Variants in PYGL observed in about 807,000 individuals in gnomAD.
PYGL encodes glycogen phosphorylase, liver form.
A neutral mutation model predicts 100.1 loss-of-function variants in PYGL; 90 were observed. The observed-to-expected ratio is 0.90, with a 90% CI of 0.76 to 1.07. The LOEUF (loss-of-function observed/expected upper bound fraction) is 1.07. PYGL is among the 50% of genes least tolerant of loss of function. The pLI, the probability that PYGL is intolerant of heterozygous loss-of-function variation, is 0.00. For synonymous variants in PYGL, 373 were observed against 393.0 expected (o/e 0.95, Z 0.60); for missense variants, 1,016 against 1,057.6 (o/e 0.96, Z 0.55).
At position 50,908,325 on chromosome 14, in the gene PYGL, A is replaced by G; in HGVS notation, c.2325T>C (p.Phe775=). 2 of 1,599,098 alleles carry G rather than the reference A, an allele frequency of 1.3e-6. No homozygotes were observed. The highest frequency in any genetic ancestry group is 1.7e-4 in the Middle Eastern group (1 of 6,038). Residue 775 remains phenylalanine, a synonymous_variant, in exon 19 of 20, where the codon TTT becomes TTC. Transcript: ENST00000216392. ...MLFYHDRFKV[F]ADYEAYVKCQ... ...ACTTGACATAGGCTTCGTAGTCTGC[A>G]AAGACTTTAAACCTTTTATTTTGTG...
intron 7 of PYGL, among the ~76,000 whole-genome samples, chr14:50,918,868 T>C (rs2050475957): frequency 6.6e-6 from 1 of 152,174 alleles, no homozygotes; most frequent in Non-Finnish European, 1.5e-5. Flanking sequence ...TTAAAACTAA[T>C]GAATATGAGC....
chr14:50,925,178 T>C (rs2050536155), intron 4 of PYGL, among the ~76,000 whole-genome samples: 1 of 152,222 alleles, frequency 6.6e-6, no homozygotes, highest in Non-Finnish European at 1.5e-5. Context: ...TGCTGAATAC[T>C]ATAGGTAATG....
intron 1 of PYGL, among the ~76,000 whole-genome samples, chr14:50,938,888 G>C (rs551574502): frequency 6.6e-6 from 1 of 152,246 alleles, no homozygotes; most frequent in East Asian, 1.9e-4. Flanking sequence ...GGGCACCTTG[G>C]TGGGTGCCGG....
chr14:50,918,684 C>T (rs929839817), intron 7 of PYGL, among the ~76,000 whole-genome samples: 1 of 152,116 alleles, frequency 6.6e-6, no homozygotes, highest in African/African-American at 2.4e-5. Context: ...GGATAAAAGA[C>T]AATTTATTGG....
chr14:50,921,316 A>G lies in PYGL; in HGVS notation c.661-249T>C, dbSNP rs544320196. 1.8e-4 allele frequency: 90 copies of G among 505,944 alleles called. 2 individuals are homozygous for G. The South Asian group carries it at 1.8e-3, about 10-fold the overall frequency. 31.3% of individuals were successfully genotyped at this position (505,944 alleles called of 1,614,324 possible). On this transcript the variant is annotated intron_variant, in intron 5 of 19. Coordinates refer to ENST00000216392, the MANE Select transcript of PYGL (RefSeq NM_002863.5). ...ACTGATGGTCCTTTACAGTATTTCT[A>G]TGTTGACTCTCCATGTGCCCTTGCC...
intron 4 of PYGL, among the ~76,000 whole-genome samples, chr14:50,931,169 T>C (rs891223623): frequency 1.3e-5 from 2 of 152,210 alleles, no homozygotes; most frequent in Admixed American, 1.3e-4. Flanking sequence ...GAGTGTAGAA[T>C]AGAATACTGA....
At chr14:50,943,180 T>C (rs894453500) in intron 1 of PYGL, among the ~76,000 whole-genome samples, 1 of 152,172 alleles carries the variant, frequency 6.6e-6, no homozygotes, top group African/African-American at 2.4e-5. Flanking sequence ...CCCAATCTTT[T>C]ATTCTTTCCA....
intron 4 of PYGL, among the ~76,000 whole-genome samples, chr14:50,928,070 G>A (rs752566946): frequency 5.3e-5 from 8 of 152,160 alleles, no homozygotes; most frequent in Non-Finnish European, 8.8e-5. Flanking sequence ...GAAAGCAAGC[G>A]TGGATCTGTG....
chr14:50,923,838 A>G (rs1240591265), intron 5 of PYGL, 131 bp downstream of exon 5: 25 of 1,194,602 alleles, frequency 2.1e-5, no homozygotes, highest in Non-Finnish European at 2.8e-5. Context: ...TTTATTTACA[A>G]AAATATATTC....
intron 8 of PYGL, 32 bp downstream of exon 8, chr14:50,916,930 A>G (rs1201512830): frequency 6.2e-6 from 10 of 1,610,188 alleles, no homozygotes; most frequent in Non-Finnish European, 8.5e-6. Context: ...CCCTCAGTGG[A>G]CCCTAACTGC....
At chr14:50,939,611 C>T (rs1407128247) in intron 1 of PYGL, among the ~76,000 whole-genome samples, 1 of 151,822 alleles carries the variant, frequency 6.6e-6, no homozygotes, top group Non-Finnish European at 1.5e-5. Context: ...TGAGTAACTT[C>T]ATTGCCCCCT....
chr14:50,923,849 T>TATTA (rs2139182438), intron 5 of PYGL, 120 bp downstream of exon 5: 2 of 1,243,374 alleles, frequency 1.6e-6, no homozygotes, highest in East Asian at 5.1e-5. Flanking sequence ...AAATATATTC[T>TATTA]ATTATTCAAA....
In PYGL at chr14:50,912,247, G is replaced by GTTGA; in HGVS notation, c.1673_1676dup (p.Pro560GlnfsTer7). 1 of 1,613,972 alleles carries GTTGA rather than the reference G, an allele frequency of 6.2e-7. No individual in the cohort carries two copies. The highest frequency in any genetic ancestry group is 8.5e-7 in the Non-Finnish European group (1 of 1,179,820). On this transcript the variant is annotated frameshift_variant, in exon 14 of 20. Transcript: ENST00000216392. LOFTEE classifies it high-confidence loss of function. ...CCTGGACATCAAACATGGAGGATGG[G>GTTGA]TTGATCTTCACTTTGTACTCCGTCT... is the stretch of plus-strand genomic sequence containing the variant.
At position 50,915,338 on chromosome 14, in the gene PYGL, T is replaced by G; in HGVS notation, c.1401A>C (p.Lys467Asn). 6.2e-7 allele frequency: 1 copy of G among 1,614,188 alleles called. No homozygotes were observed. Among genetic ancestry groups the G allele is most frequent in the Non-Finnish European group, 8.5e-7 (1 of 1,179,996 alleles). ...AKIHSDIVKTKVFKDFSELEP... is the reference protein window; with the variant it reads ...AKIHSDIVKTNVFKDFSELEP... ...CTGCCAGAGTAATGGAGGCTCACAC[T>G]TTAGTCTTCACGATGTCTGAGTGGA... Residue 467 changes from lysine (K) to asparagine (N), a missense_variant and splice_region_variant, in exon 11 of 20, where the codon AAA (lysine) becomes AAC (asparagine). Transcript: ENST00000216392.
At position 50,916,978 on chromosome 14, in the gene PYGL, T is replaced by A. The variant is rs764163170; in HGVS notation, c.983A>T (p.Asp328Val). 5.0e-6 allele frequency: 8 copies of A among 1,614,182 alleles called. No individual in the cohort carries two copies. The South Asian group carries it at 5.5e-5, about 11-fold the overall frequency. The change falls in exon 8 of 20, where the codon GAT becomes GTT. Residue 328 changes from aspartate to valine, a missense_variant. Asp to Val is a radical substitution (Grantham distance 152, BLOSUM62 -3). Transcript: ENST00000216392. ...AATACTTGCCTGATCCGGGAAGGCA[T>A]CAAACACAGTTCCTGCACCACGGGT... ...GSTRGAGTVF[D>V]AFPDQVAIQL...
At chr14:50,919,387 C>T (rs1171741788) in intron 7 of PYGL, among the ~76,000 whole-genome samples, 1 of 152,166 alleles carries the variant, frequency 6.6e-6, no homozygotes, top group Non-Finnish European at 1.5e-5. Flanking sequence ...CCTAAAAATG[C>T]TCCAGCAAAA....
At chr14:50,917,949 C>G (rs767728988) in intron 7 of PYGL, among the ~76,000 whole-genome samples, 3 of 152,030 alleles carry the variant, frequency 2.0e-5, no homozygotes, top group Non-Finnish European at 4.4e-5. Flanking sequence ...TGAGCCTTGA[C>G]TAATATCCAG....
chr14:50,934,033 A>G (rs1355865984), intron 3 of PYGL, among the ~76,000 whole-genome samples: 2 of 152,068 alleles, frequency 1.3e-5, no homozygotes, highest in Non-Finnish European at 2.9e-5. Context: ...TTTTCCCCAC[A>G]TGTCTTCTTA....
Position 50,914,589 on chromosome 14 carries a change from A to G in PYGL, c.1518+112T>C, listed in dbSNP as rs971749079. The stretch of plus-strand genomic sequence containing the variant: ...GGAGTCCTGTGTGACTGCACAAACC[A>G]CATGCTGAGGAAGCCAGCCCTGCTG... On this transcript the variant is annotated intron_variant, in intron 12 of 19. Transcript: ENST00000216392. 23 of 823,568 alleles carry G rather than the reference A, an allele frequency of 2.8e-5. No individual in the cohort carries two copies. The Middle Eastern group carries it at 1.1e-3, about 40-fold the overall frequency. 51.0% of individuals were successfully genotyped at this position (823,568 alleles called of 1,614,324 possible). A position where few individuals can be genotyped will look rare whatever the true frequency, so the allele number is the denominator to read the frequency against.
Sources: allele counts gnomAD v4.1 joint callset (sites outside exome capture counted in the v4.1 genomes callset), GRCh38; gene constraint gnomAD v4.1.1; transcripts MANE v1.5; gene names NCBI Gene and HGNC (gene_info 2026-07-23, HGNC 2026-07-21).